GRIN3A: variants seen among roughly 807,000 people sequenced by gnomAD.
GRIN3A encodes glutamate ionotropic receptor NMDA type subunit 3A, also known as glutamate receptor ionotropic, NMDA 3A.
Under a neutral mutation model 92.4 loss-of-function variants are expected in GRIN3A, and 47 were observed. That is an observed-to-expected ratio of 0.51 (90% CI 0.40 to 0.65). GRIN3A has a LOEUF of 0.65. GRIN3A is among the 30% of genes least tolerant of loss of function. The pLI is 0.00. For synonymous variants in GRIN3A, 527 were observed against 540.6 expected (o/e 0.97, Z 0.35); for missense variants, 1,324 against 1,393.1 (o/e 0.95, Z 0.79).
chr9:101,628,030 C>G (rs1828656453), intron 4 of GRIN3A, among the ~76,000 whole-genome samples: 1 of 152,172 alleles, frequency 6.6e-6, no homozygotes, highest in Admixed American at 6.5e-5. Flanking sequence ...TTGAACAAAG[C>G]TACTACCAAC....
intron 3 of GRIN3A, among the ~76,000 whole-genome samples, chr9:101,655,050 G>C (rs1588269090): frequency 6.6e-6 from 1 of 151,816 alleles, no homozygotes; most frequent in East Asian, 1.9e-4. Flanking sequence ...TAGTCAATAT[G>C]ACTAGGCATT....
intron 4 of GRIN3A, 97 bp from the exon 5 acceptor site, chr9:101,623,530 G>T: frequency 1.2e-6 from 1 of 858,456 alleles, no homozygotes; most frequent in South Asian, 1.4e-5. Context: ...GACAGAACCC[G>T]AACACTAAGG....
In GRIN3A at chr9:101,687,139, A is replaced by G. The variant is rs764110015; in HGVS notation, c.761T>C (p.Val254Ala). The G allele has an allele frequency of 1.2e-6, 2 of 1,614,002 alleles. No homozygotes were observed. The highest frequency in any genetic ancestry group is 1.7e-6 in the Non-Finnish European group (2 of 1,179,852). Residue 254 changes from valine to alanine, a missense_variant, in exon 2 of 9, where the codon GTC becomes GCC. Coordinates refer to ENST00000361820, the MANE Select transcript of GRIN3A (RefSeq NM_133445.3). ...CCAGTTGTTCATGGTCAGGATTGAG[A>G]CAGTGACATCAGCATCAGAACTTAA... ...NSLSSDADVT[V>A]SILTMNNWYN...
intron 1 of GRIN3A, among the ~76,000 whole-genome samples, chr9:101,721,288 A>G (rs1588297434): frequency 6.6e-6 from 1 of 152,130 alleles, no homozygotes; most frequent in Admixed American, 6.5e-5. Context: ...TCTTTCTGCC[A>G]CCATGTAAGA....
chr9:101,602,607 G>A (rs17189604), intron 6 of GRIN3A, among the ~76,000 whole-genome samples: 22,097 of 152,204 alleles, frequency 0.15, 2,088 homozygotes, highest in Non-Finnish European at 0.21. Flanking sequence ...TGAGTTTGCC[G>A]AATTTAACCA....
At chr9:101,615,115 C>T (rs1828425708) in intron 5 of GRIN3A, among the ~76,000 whole-genome samples, 1 of 151,344 alleles carries the variant, frequency 6.6e-6, no homozygotes, top group Non-Finnish European at 1.5e-5. Flanking sequence ...CAAAATGTTA[C>T]TATACTGTTA....
intron 1 of GRIN3A, among the ~76,000 whole-genome samples, chr9:101,704,612 C>T (rs141944824): frequency 0.013 from 2,029 of 152,262 alleles, 61 homozygotes; most frequent in Admixed American, 0.061. Context: ...TGCTGGGCAA[C>T]AGCAGTGAGC....
intron 1 of GRIN3A, among the ~76,000 whole-genome samples, chr9:101,715,182 A>G (rs1400687327): frequency 7.2e-6 from 1 of 139,030 alleles, no homozygotes; most frequent in Non-Finnish European, 1.5e-5. Context: ...ATCATGGGAC[A>G]TTTTGTGACA....
chr9:101,714,107 C>T (rs964083743), intron 1 of GRIN3A, among the ~76,000 whole-genome samples: 4 of 151,988 alleles, frequency 2.6e-5, no homozygotes, highest in South Asian at 2.1e-4. Context: ...AGAAACTAAA[C>T]GCTGTAGAAC....
chr9:101,686,873 T>C lies in GRIN3A; in HGVS notation c.1027A>G (p.Thr343Ala). ...TCAGGGGGCATGACCCCAAACTGGGTTGTAATTTCGAAAATCCGCCGGATA... is the reference window on the plus strand; with the variant it reads ...TCAGGGGGCATGACCCCAAACTGGGCTGTAATTTCGAAAATCCGCCGGATA... ...ESIRRIFEITTQFGVMPPELR... is the reference protein window; with the variant it reads ...ESIRRIFEITAQFGVMPPELR... The change falls in exon 2 of 9, where the codon ACC becomes GCC. Residue 343 changes from threonine (T) to alanine (A), a missense_variant. By Grantham distance (58) the Thr-to-Ala change is moderately conservative. Coordinates refer to ENST00000361820, the MANE Select transcript of GRIN3A (RefSeq NM_133445.3). The C allele has an allele frequency of 6.2e-7, 1 of 1,614,164 alleles. No homozygotes were observed. The highest frequency in any genetic ancestry group is 8.5e-7 in the Non-Finnish European group (1 of 1,180,040).
intron 3 of GRIN3A, among the ~76,000 whole-genome samples, chr9:101,647,770 G>A (rs1025237059): frequency 1.1e-4 from 17 of 151,806 alleles, no homozygotes; most frequent in African/African-American, 3.9e-4. Flanking sequence ...CAATTTGCCG[G>A]AGTATAGTTG....
intron 7 of GRIN3A, among the ~76,000 whole-genome samples, chr9:101,578,062 A>G (rs1827848419): frequency 6.6e-6 from 1 of 152,220 alleles, no homozygotes; most frequent in Admixed American, 6.5e-5. Flanking sequence ...GAGAAACAAA[A>G]AAGTGTTCTG....
rs73659532 is a variant in GRIN3A at position 101,591,993 on chromosome 9, T to C, written c.2767-12633A>G. 9.3e-4 allele frequency: 142 copies of C among 152,354 alleles called. 1 individual carries two copies. The highest frequency in any genetic ancestry group is 3.3e-3 in the African/African-American group (137 of 41,570). The allele number at this position is 152,354 out of a possible 1,614,324, so 9.4% of individuals were successfully genotyped here. On this transcript the variant is annotated intron_variant, in intron 6 of 8. Transcript: ENST00000361820. ...TTTAATGTGCACATTGCAGGGTGTA[T>C]AAATAATGCCTCTCTTTAATGACAA...
intron 3 of GRIN3A, among the ~76,000 whole-genome samples, chr9:101,654,240 T>C (rs918402437): frequency 6.6e-6 from 1 of 151,532 alleles, no homozygotes; most frequent in Non-Finnish European, 1.5e-5. Context: ...AAAATGGCTT[T>C]ATGTTTTATC....
intron 1 of GRIN3A, 146 bp downstream of exon 1, chr9:101,737,135 C>A: frequency 1.4e-6 from 1 of 705,046 alleles, no homozygotes; most frequent in Non-Finnish European, 2.5e-6. Flanking sequence ...CTACCACCTA[C>A]GAACATGGCC....
chr9:101,590,180 C>T (rs1238328406), intron 6 of GRIN3A, among the ~76,000 whole-genome samples: 1 of 152,068 alleles, frequency 6.6e-6, no homozygotes, highest in African/African-American at 2.4e-5. Context: ...TACGGTGACC[C>T]TTCAGTGTTA....
At chr9:101,732,410 A>G (rs1830150134) in intron 1 of GRIN3A, among the ~76,000 whole-genome samples, 1 of 152,186 alleles carries the variant, frequency 6.6e-6, no homozygotes, top group Non-Finnish European at 1.5e-5. Flanking sequence ...GGGCATCTTA[A>G]TGATATTTCT....
At chr9:101,622,308 C>A (rs1160449481) in intron 5 of GRIN3A, among the ~76,000 whole-genome samples, 1 of 152,198 alleles carries the variant, frequency 6.6e-6, no homozygotes, top group Admixed American at 6.5e-5. Context: ...CTGGAAATAG[C>A]AGTTGGGCAC....
chr9:101,629,372 C>T (rs1828682412), intron 3 of GRIN3A, among the ~76,000 whole-genome samples: 11 of 152,098 alleles, frequency 7.2e-5, no homozygotes, highest in Admixed American at 7.2e-4. Context: ...TCTGCAGAAA[C>T]ACTTACCATG....
Sources: gnomAD v4.1 joint callset for allele counts (sites outside exome capture counted in the v4.1 genomes callset) on GRCh38, gnomAD v4.1.1 for gene constraint, MANE v1.5 for transcripts, NCBI Gene and HGNC (gene_info 2026-07-23, HGNC 2026-07-21) for gene names.